CLSPN: variants seen among roughly 807,000 people sequenced by gnomAD.
The protein encoded by CLSPN is claspin homolog.
A neutral mutation model predicts 156.3 loss-of-function variants in CLSPN; 85 were observed. The ratio of observed to expected loss-of-function variants is 0.54; its 90% CI spans 0.46 to 0.65. The LOEUF (loss-of-function observed/expected upper bound fraction) is 0.65. Ranked by LOEUF, CLSPN falls within the 30% of genes least tolerant of loss-of-function variation. The probability of loss-of-function intolerance (pLI) is 0.00; values close to 1 mark genes in which losing one functional copy is unlikely to be tolerated. For missense variants in CLSPN, 1,407 were observed against 1,554.9 expected (o/e 0.90, Z 1.60); for synonymous variants, 534 against 542.4 (o/e 0.98, Z 0.22).
At chr1:35,755,106 T>G (rs1177917271) in intron 8 of CLSPN, among the ~76,000 whole-genome samples, 4 of 152,212 alleles carry the variant, frequency 2.6e-5, no homozygotes, top group Admixed American at 2.6e-4. Flanking sequence ...TAAAATGGTT[T>G]ATTTTTAAAT....
chr1:35,740,103 G>T (rs935573886), intron 18 of CLSPN, among the ~76,000 whole-genome samples: 1 of 152,180 alleles, frequency 6.6e-6, no homozygotes, highest in Non-Finnish European at 1.5e-5. Context: ...CTGCTGGAAG[G>T]TTCAAACTAT....
Position 35,735,169 on chromosome 1 carries a change from G to A in CLSPN, c.*1327C>T. ...CTTCAAATTGAGAATTCAGTCCCAG[G>A]AAGGGTCTCTCTGCCCCACAGACTG... On this transcript the variant is annotated 3_prime_UTR_variant, in exon 25 of 25. Transcript: ENST00000318121. The A allele has an allele frequency of 1.0e-6, 1 of 985,408 alleles. No homozygotes were observed. Among genetic ancestry groups the A allele is most frequent in the Non-Finnish European group, 1.2e-6 (1 of 829,930 alleles). 61.0% of individuals were successfully genotyped at this position (985,408 alleles called of 1,614,324 possible).
intron 8 of CLSPN, 149 bp from the exon 9 acceptor site, chr1:35,754,085 G>A: frequency 6.4e-6 from 4 of 621,380 alleles, no homozygotes; most frequent in Non-Finnish European, 1.1e-5. Context: ...ACTAACTCCT[G>A]AGTCAAATTC....
chr1:35,762,370 A>G, intron 5 of CLSPN, 34 bp downstream of exon 5: 1 of 1,479,986 alleles, frequency 6.8e-7, no homozygotes, highest in Admixed American at 1.7e-5. Flanking sequence ...GTGTAAAGAG[A>G]TCAGTGTGAC....
At chr1:35,723,793 C>A (rs990240877) in intron 24 of CLSPN, among the ~76,000 whole-genome samples, 11 of 152,148 alleles carry the variant, frequency 7.2e-5, no homozygotes, top group African/African-American at 2.2e-4. Context: ...GAGTTTGAGA[C>A]CAGCCTGATC....
Position 35,737,049 on chromosome 1 carries a change from C to T in CLSPN, c.3774G>A (p.Gln1258=). 1 of 1,614,144 alleles carries T rather than the reference C, an allele frequency of 6.2e-7. No homozygotes were observed. Among genetic ancestry groups the T allele is most frequent in the East Asian group, 2.2e-5 (1 of 44,888 alleles). The change falls in exon 24 of 25, where the codon CAG becomes CAA. Residue 1258 remains glutamine, a synonymous_variant. Transcript: ENST00000318121. ...QQVKTGSLLN[Q]PKAVLQKLAA... is the part of the protein sequence containing the mutation. Reference sequence around the variant, plus strand: ...CCAGTTTCTGAAGCACAGCTTTGGGCTGGTTTAGCAGTGAGCCTGTCTTCA... The same window carrying T: ...CCAGTTTCTGAAGCACAGCTTTGGGTTGGTTTAGCAGTGAGCCTGTCTTCA...
chr1:35,733,942 T>C lies in CLSPN; in HGVS notation c.*2554A>G. 1 of 921,552 alleles carries C rather than the reference T, an allele frequency of 1.1e-6. No individual in the cohort carries two copies. The highest frequency in any genetic ancestry group is 1.3e-6 in the Non-Finnish European group (1 of 771,722). The allele number at this position is 921,552 out of a possible 1,614,324, so 57.1% of individuals were successfully genotyped here. A position where few individuals can be genotyped will look rare whatever the true frequency, so the allele number is the denominator to read the frequency against. ...GTACAGTGAGCTATGATTGTGCCAC[T>C]GCACTCTAACCTGGGCAACAGAATG... On this transcript the variant is annotated 3_prime_UTR_variant, in exon 25 of 25. Coordinates refer to ENST00000318121, the MANE Select transcript of CLSPN (RefSeq NM_022111.4).
At chr1:35,726,477 G>A (rs926307733) in intron 24 of CLSPN, among the ~76,000 whole-genome samples, 7 of 108,960 alleles carry the variant, frequency 6.4e-5, no homozygotes, top group Non-Finnish European at 1.2e-4. Context: ...ATGCTGGGTG[G>A]TGGTGGTGGG....
chr1:35,726,371 G>T (rs1283500285), intron 24 of CLSPN, among the ~76,000 whole-genome samples: 2 of 152,074 alleles, frequency 1.3e-5, no homozygotes, highest in South Asian at 4.2e-4. Context: ...ACATCCATCT[G>T]GCTCCAATTC....
Position 35,764,532 on chromosome 1 carries a change from T to C in CLSPN, c.316A>G (p.Thr106Ala). The part of the protein sequence containing the change: ...KNTKIKRIYK[T>A]VADSDESYME... ...TAACTTTCATCACTGTCTGCCACAG[T>C]TTTGTAAATCCTTTTGATTTTTGTA... Residue 106 changes from threonine to alanine, a missense_variant, in exon 3 of 25, where the codon ACT (threonine) becomes GCT (alanine). Coordinates refer to ENST00000318121, the MANE Select transcript of CLSPN (RefSeq NM_022111.4). 1 of 1,613,874 alleles carries C rather than the reference T, an allele frequency of 6.2e-7. No homozygotes were observed. The highest frequency in any genetic ancestry group is 8.5e-7 in the Non-Finnish European group (1 of 1,179,970).
At position 35,760,473 on chromosome 1, in the gene CLSPN, A is replaced by T. The variant is rs780664284; in HGVS notation, c.1448T>A (p.Val483Asp). 1 of 1,614,072 alleles carries T rather than the reference A, an allele frequency of 6.2e-7. No homozygotes were observed. The highest frequency in any genetic ancestry group is 1.3e-5 in the African/African-American group (1 of 74,916). The change falls in exon 8 of 25, where the codon GTT (valine) becomes GAT (aspartate). Residue 483 changes from valine (V) to aspartate (D), a missense_variant. By Grantham distance (152) the Val-to-Asp change is radical. Transcript: ENST00000318121. ...CCGTCTCACTTTTTCAGGTGGCCCAACTGCTGATGATTTATTTTGCTGCTC... is the reference window on the plus strand; with the variant it reads ...CCGTCTCACTTTTTCAGGTGGCCCATCTGCTGATGATTTATTTTGCTGCTC... ...EPEQQNKSSA[V>D]GPPEKVRRFT...
chr1:35,738,446 A>G lies in CLSPN; in HGVS notation c.3558+9T>C, dbSNP rs1198427030. On this transcript the variant is annotated intron_variant, in intron 21 of 24. Transcript: ENST00000318121. ...TCATAAACTAGGGTCAGAGTAGGTG[A>G]ACTCCTACCATGTCCCGAAGCCACT... is the stretch of plus-strand genomic sequence containing the variant. 1 of 1,613,286 alleles carries G rather than the reference A, an allele frequency of 6.2e-7. No homozygotes were observed. The highest frequency in any genetic ancestry group is 8.5e-7 in the Non-Finnish European group (1 of 1,179,406).
Position 35,736,046 on chromosome 1 carries a change from C to G in CLSPN, c.*450G>C. On this transcript the variant is annotated 3_prime_UTR_variant, in exon 25 of 25. Transcript: ENST00000318121. ...CAGCCTGGCCAACATGGTGAAACCC[C>G]GTCTCTACTAAAAATACAAAAATTA... The G allele has an allele frequency of 1.6e-6, 1 of 636,760 alleles. No homozygotes were observed. The highest frequency in any genetic ancestry group is 2.0e-6 in the Non-Finnish European group (1 of 511,880). 39.4% of individuals were successfully genotyped at this position (636,760 alleles called of 1,614,324 possible). A position where few individuals can be genotyped will look rare whatever the true frequency, so the allele number is the denominator to read the frequency against.
chr1:35,769,093 A>G lies in CLSPN; in HGVS notation c.24+754T>C, dbSNP rs145009642. 2.1e-3 allele frequency among the ~76,000 whole-genome samples: 322 copies of G among 152,208 alleles called. 2 individuals are homozygous for G. Among genetic ancestry groups the G allele is most frequent in the African/African-American group, 7.3e-3 (303 of 41,524 alleles). On this transcript the variant is annotated intron_variant, in intron 1 of 24. Coordinates refer to ENST00000318121, the MANE Select transcript of CLSPN (RefSeq NM_022111.4). ...GATCTCGTCTTTGTTTAAACGTCTG[A>G]TATTTTGTTCAATATCAAATCATAA...
downstream of CLSPN, among the ~76,000 whole-genome samples, chr1:35,728,980 A>G (rs1333912412): frequency 8.2e-6 from 1 of 122,120 alleles, no homozygotes; most frequent in African/African-American, 3.1e-5. Context: ...ACACACACAC[A>G]CGCCTTTCCT....
At position 35,735,782 on chromosome 1, in the gene CLSPN, T is replaced by C. The variant is rs1478123292; in HGVS notation, c.*714A>G. ...GTATCTCATGGGTGTAAAGGAGTCA[T>C]TATGGTACTGATTTTCACTGTTTAA... On this transcript the variant is annotated 3_prime_UTR_variant, in exon 25 of 25. Transcript: ENST00000318121. 4 of 985,104 alleles carry C rather than the reference T, an allele frequency of 4.1e-6. No homozygotes were observed. Among genetic ancestry groups the C allele is most frequent in the African/African-American group, 3.5e-5 (2 of 57,166 alleles). 61.0% of individuals were successfully genotyped at this position (985,104 alleles called of 1,614,324 possible).
intron 20 of CLSPN, among the ~76,000 whole-genome samples, 185 bp downstream of exon 20, chr1:35,738,951 C>T (rs1399246930): frequency 1.3e-5 from 2 of 152,094 alleles, no homozygotes; most frequent in African/African-American, 4.8e-5. Context: ...CAGGCGCGTG[C>T]CATCACAGCC....
intron 3 of CLSPN, among the ~76,000 whole-genome samples, chr1:35,763,980 TG>T (rs1235609941): frequency 2.0e-5 from 3 of 152,054 alleles, no homozygotes; most frequent in African/African-American, 7.2e-5. Flanking sequence ...TTAAATTTTT[TG>T]TAGAGATGGG....
rs776215966 is a variant in CLSPN, at chr1:35,748,453, A to G, written c.2424T>C (p.Ser808=). The G allele has an allele frequency of 6.2e-7, 1 of 1,614,158 alleles. No homozygotes were observed. Among genetic ancestry groups the G allele is most frequent in the Admixed American group, 1.7e-5 (1 of 60,006 alleles). Residue 808 remains serine (S), a synonymous_variant, in exon 13 of 25, where the codon TCT becomes TCC. Transcript: ENST00000318121. ...SFFPTAGGFR[S]PSPGLFRASL... ...TGGCTCGAAATAGCCCAGGGGAAGG[A>G]GATCTGAATCCTCCTGCTGTAGGGA... is the stretch of plus-strand genomic sequence containing the variant.
Sources: gnomAD v4.1 joint callset for allele counts (sites outside exome capture counted in the v4.1 genomes callset) on GRCh38, gnomAD v4.1.1 for gene constraint, MANE v1.5 for transcripts, NCBI Gene and HGNC (gene_info 2026-07-23, HGNC 2026-07-21) for gene names.